The following LONRF2 variants were observed in gnomAD, a reference collection of about 807,000 sequenced individuals.
The protein encoded by LONRF2 is LON peptidase N-terminal domain and RING finger protein 2.
LONRF2 carries 35 observed loss-of-function variants against 66.6 expected under a neutral mutation model. That is an observed-to-expected ratio of 0.53 (90% confidence interval 0.40 to 0.70). The LOEUF (loss-of-function observed/expected upper bound fraction) is 0.70, where lower values mean the gene tolerates loss of function less well. Ranked by LOEUF, LONRF2 falls within the 30% of genes least tolerant of loss-of-function variation. LONRF2 has a pLI of 0.00. For synonymous variants in LONRF2, 417 were observed against 418.1 expected, an observed-to-expected ratio of 1.00 and a Z score of 0.03; for missense variants, 902 against 1,002.1, an observed-to-expected ratio of 0.90 and a Z score of 1.35.
chr2:100,299,390 A>T, intron 5 of LONRF2, 71 bp from the exon 6 acceptor site: 3 of 920,282 alleles, frequency 3.3e-6, no homozygotes, highest in Non-Finnish European at 4.9e-6. Context: ...CAAGAAATGT[A>T]TTTTCTCTGG....
chr2:100,291,617 A>C lies in LONRF2; in HGVS notation c.1758-1197T>G, dbSNP rs1364556606. On this transcript the variant is annotated intron_variant, in intron 9 of 11. Coordinates refer to ENST00000393437, the MANE Select transcript of LONRF2 (RefSeq NM_198461.4). ...TCAGAGATGCCCTCTGAATTGCTCAAATCACTTGACAGGCTCCTGTCTGAC... is the reference window on the plus strand; with the variant it reads ...TCAGAGATGCCCTCTGAATTGCTCACATCACTTGACAGGCTCCTGTCTGAC... 1.3e-5 allele frequency among the ~76,000 whole-genome samples: 2 copies of C among 152,032 alleles called. 1 individual carries two copies. The highest frequency in any genetic ancestry group is 2.9e-5 in the Non-Finnish European group (2 of 67,996).
At chr2:100,316,597 G>C (rs1054004222) in intron 1 of LONRF2, among the ~76,000 whole-genome samples, 1 of 152,058 alleles carries the variant, frequency 6.6e-6, no homozygotes, top group African/African-American at 2.4e-5. Context: ...GCCTAATCCA[G>C]GAGTTGGCAA....
Position 100,284,284 on chromosome 2 carries a change from G to T in LONRF2, c.*14C>A. ...AAGCACAAGGGCTGCCAGAAACCTTGACAGAGAGAAAAATCAATTATTTCT... is the reference window on the plus strand; with the variant it reads ...AAGCACAAGGGCTGCCAGAAACCTTTACAGAGAGAAAAATCAATTATTTCT... On this transcript the variant is annotated 3_prime_UTR_variant, in exon 12 of 12. Transcript: ENST00000393437. 1 of 1,495,030 alleles carries T rather than the reference G, an allele frequency of 6.7e-7. No individual in the cohort carries two copies. The highest frequency in any genetic ancestry group is 1.3e-5 in the South Asian group (1 of 74,850). 92.6% of individuals were successfully genotyped at this position (1,495,030 alleles called of 1,614,324 possible).
At chr2:100,312,068 C>A (rs1431525444) in intron 1 of LONRF2, among the ~76,000 whole-genome samples, 1 of 152,002 alleles carries the variant, frequency 6.6e-6, no homozygotes, top group Non-Finnish European at 1.5e-5. Flanking sequence ...AGATGAAAAT[C>A]TTCCCACATT....
Position 100,294,240 on chromosome 2 carries a change from A to G in LONRF2, c.1746T>C (p.Ala582=), listed in dbSNP as rs1188987464. The change falls in exon 9 of 12, where the codon GCT becomes GCC. Residue 582 remains alanine, a synonymous_variant. Coordinates refer to ENST00000393437, the MANE Select transcript of LONRF2 (RefSeq NM_198461.4). Reference sequence around the variant, plus strand: ...CTAACAGTTCTTACCCCGCGTGCTCAGCAGATAAACACATGCCAAACCGCT... The same window carrying G: ...CTAACAGTTCTTACCCCGCGTGCTCGGCAGATAAACACATGCCAAACCGCT... ...GTKRFGMCLS[A]EHAGLSEYGC... 2.5e-6 allele frequency: 4 copies of G among 1,604,258 alleles called. No individual in the cohort carries two copies. The highest frequency in any genetic ancestry group is 3.4e-6 in the Non-Finnish European group (4 of 1,176,420).
chr2:100,308,644 A>T (rs4851293), intron 2 of LONRF2, among the ~76,000 whole-genome samples: 77,285 of 152,022 alleles, frequency 0.51, 20,008 homozygotes, highest in East Asian at 0.76. Flanking sequence ...ACCTTTCCAA[A>T]CAAAACACAG....
At chr2:100,298,769 C>G (rs746397974) in intron 7 of LONRF2, 67 bp downstream of exon 7, 6 of 1,170,054 alleles carry the variant, frequency 5.1e-6, no homozygotes, top group Non-Finnish European at 7.7e-6. Context: ...CAACACGAGA[C>G]AGGGAGTAAG....
At chr2:100,311,143 T>A (rs1258076509) in intron 1 of LONRF2, among the ~76,000 whole-genome samples, 1 of 152,202 alleles carries the variant, frequency 6.6e-6, no homozygotes, top group Non-Finnish European at 1.5e-5. Context: ...TAGAATTCTA[T>A]TAGATTCTCC....
At chr2:100,316,183 G>A (rs1675501770) in intron 1 of LONRF2, among the ~76,000 whole-genome samples, 1 of 151,866 alleles carries the variant, frequency 6.6e-6, no homozygotes, top group East Asian at 1.9e-4. Flanking sequence ...GCCAGGCGTT[G>A]TGGCAGGTGC....
At chr2:100,293,497 G>A (rs1675002970) in intron 9 of LONRF2, among the ~76,000 whole-genome samples, 1 of 152,124 alleles carries the variant, frequency 6.6e-6, no homozygotes, top group Non-Finnish European at 1.5e-5. Flanking sequence ...CTCCTCCATA[G>A]CTAGCACTTG....
At chr2:100,298,132 C>G (rs1323272576) in intron 7 of LONRF2, among the ~76,000 whole-genome samples, 1 of 152,150 alleles carries the variant, frequency 6.6e-6, no homozygotes, top group Non-Finnish European at 1.5e-5. Flanking sequence ...ATGACTTGCT[C>G]CATAGAAAGT....
Position 100,309,201 on chromosome 2 carries a change from A to G in LONRF2, c.704T>C (p.Leu235Pro). The G allele has an allele frequency of 3.1e-6, 5 of 1,607,984 alleles. No individual in the cohort carries two copies. Among genetic ancestry groups the G allele is most frequent in the Non-Finnish European group, 4.2e-6 (5 of 1,178,550 alleles). ...GGTCAAATATAACTCCGCCCGCAGC[A>G]GCAATAATGAATTATCATCAGGAGC... ...ELAPDDNSLL[L>P]LRAELYLTMK... is the part of the protein sequence containing the mutation. Residue 235 changes from leucine (L) to proline (P), a missense_variant, in exon 2 of 12, where the codon CTG becomes CCG. By Grantham distance (98) the Leu-to-Pro change is moderately conservative (BLOSUM62 -3). Around this residue, in one of 2 missense-constraint regions of LONRF2, gnomAD observed 585 missense variants for 569.9 expected, o/e 1.03. Coordinates refer to ENST00000393437, the MANE Select transcript of LONRF2 (RefSeq NM_198461.4).
At chr2:100,302,012 A>G (rs1039743475) in intron 3 of LONRF2, among the ~76,000 whole-genome samples, 34 of 152,240 alleles carry the variant, frequency 2.2e-4, no homozygotes, top group Admixed American at 1.2e-3. Flanking sequence ...AAGATAAAAA[A>G]CAACATTGCT....
At chr2:100,289,430 C>CTTTT (rs10543662) in intron 10 of LONRF2, among the ~76,000 whole-genome samples, 9 of 77,098 alleles carry the variant, frequency 1.2e-4, no homozygotes, top group Admixed American at 3.5e-4. Context: ...ACAATAAGGT[C>CTTTT]TTTTTTTTTT....
intron 2 of LONRF2, among the ~76,000 whole-genome samples, chr2:100,307,603 C>G (rs12615466): frequency 6.6e-6 from 1 of 151,864 alleles, no homozygotes; most frequent in Non-Finnish European, 1.5e-5. Context: ...GGAATTGGGG[C>G]GACGTCAGCC....
chr2:100,303,067 T>C (rs1334616815), intron 2 of LONRF2, 24 bp from the exon 3 acceptor site: 2 of 1,557,720 alleles, frequency 1.3e-6, no homozygotes, highest in East Asian at 4.6e-5. Flanking sequence ...AGACAAAGTG[T>C]ACATTTTTAA....
Position 100,321,533 on chromosome 2 carries a change from C to T in LONRF2, c.561G>A (p.Leu187=), listed in dbSNP as rs761970421. 3 of 1,552,316 alleles carry T rather than the reference C, an allele frequency of 1.9e-6. No individual in the cohort carries two copies. In the South Asian group the frequency reaches 3.5e-5, roughly 18 times the overall value. The change falls in exon 1 of 12, where the codon CTG becomes CTA. Residue 187 remains leucine (L), a synonymous_variant. Coordinates refer to ENST00000393437, the MANE Select transcript of LONRF2 (RefSeq NM_198461.4). ...GGCACTCGGCCGGGAAGCACTTCTC[C>T]AGCAGGCCGCTCAGCACCACGTTCA... ...RRVNVVLSGL[L]EKCFPAECRL...
At chr2:100,309,901 G>A (rs1042429736) in intron 1 of LONRF2, among the ~76,000 whole-genome samples, 1 of 152,082 alleles carries the variant, frequency 6.6e-6, no homozygotes, top group East Asian at 1.9e-4. Flanking sequence ...TCAAACTCCC[G>A]ACCTCAGGTG....
chr2:100,317,296 T>A (rs995132), intron 1 of LONRF2, among the ~76,000 whole-genome samples: 7,958 of 152,246 alleles, frequency 0.052, 656 homozygotes, highest in African/African-American at 0.18. Flanking sequence ...AGCTTTTTTT[T>A]AATTTTACCT....
Sources: allele counts gnomAD v4.1 joint callset (sites outside exome capture counted in the v4.1 genomes callset), GRCh38; gene constraint gnomAD v4.1.1; regional missense constraint gnomAD v4.1.1; transcripts MANE v1.5; gene names NCBI Gene and HGNC (gene_info 2026-07-23, HGNC 2026-07-21).